Variants in NRXN3 observed in about 807,000 individuals in gnomAD.
NRXN3 encodes the protein neurexin III.
NRXN3 carries 32 observed loss-of-function variants against 137.6 expected under a neutral mutation model. The observed-to-expected ratio is 0.23, with a 90% confidence interval of 0.18 to 0.31. The LOEUF is 0.31. NRXN3 is among the 10% of genes least tolerant of loss of function. NRXN3 has a pLI of 1.00. For missense variants in NRXN3, 1,574 were observed against 2,062.5 expected, an observed-to-expected ratio of 0.76 and a Z score of 4.59; for synonymous variants, 798 against 784.5, an observed-to-expected ratio of 1.02 and a Z score of -0.29.
At position 78,651,560 on chromosome 14, in the gene NRXN3, T is replaced by C. The variant is rs150974544; in HGVS notation, c.1221+234T>C. Among the ~76,000 whole-genome samples the C allele has an allele frequency of 2.4e-4, 37 of 152,288 alleles. 1 individual carries two copies. In the East Asian group the frequency reaches 7.1e-3, roughly 29 times the overall value. ...TATTAGTCTGTTTGCATGCTGCTGA[T>C]AAAGACATACCCAAGACTGGGTAAT... is the stretch of plus-strand genomic sequence containing the variant. On this transcript the variant is annotated intron_variant, in intron 6 of 20. Coordinates refer to ENST00000335750, the MANE Select transcript of NRXN3 (RefSeq NM_001330195.2).
intron 19 of NRXN3, among the ~76,000 whole-genome samples, chr14:79,775,062 A>G (rs777234146): frequency 1.1e-4 from 17 of 152,130 alleles, no homozygotes; most frequent in Non-Finnish European, 1.6e-4. Context: ...TGGACTTACT[A>G]GTAAAGAAGA....
intron 1 of NRXN3, among the ~76,000 whole-genome samples, chr14:78,229,299 G>A (rs1011096013): frequency 3.3e-5 from 5 of 150,384 alleles, no homozygotes; most frequent in African/African-American, 1.2e-4. Context: ...TTCAATCAGA[G>A]TCTTGTGGCT....
intron 1 of NRXN3, among the ~76,000 whole-genome samples, chr14:78,227,404 T>G (rs1322277003): frequency 6.6e-6 from 1 of 152,208 alleles, no homozygotes; most frequent in Non-Finnish European, 1.5e-5. Flanking sequence ...AGTTACTTTA[T>G]ACACATTAGT....
intron 15 of NRXN3, among the ~76,000 whole-genome samples, chr14:79,267,360 A>ATT (rs398043882): frequency 0.023 from 3,263 of 143,008 alleles, 140 homozygotes; most frequent in African/African-American, 0.078. Flanking sequence ...AGATCATTTA[A>ATT]TTTTTTTTTT....
At chr14:79,087,939 C>A (rs2048428329) in intron 15 of NRXN3, among the ~76,000 whole-genome samples, 1 of 150,958 alleles carries the variant, frequency 6.6e-6, no homozygotes, top group South Asian at 2.1e-4. Flanking sequence ...TGGGAAATAA[C>A]AACTAGTTGT....
intron 4 of NRXN3, among the ~76,000 whole-genome samples, chr14:78,509,796 C>G (rs2096067694): frequency 6.6e-6 from 1 of 152,046 alleles, no homozygotes; most frequent in Admixed American, 6.6e-5. Context: ...ACTCTTCTAC[C>G]TGCTTGAACC....
At chr14:79,419,643 AAGAG>A (rs1268785788) in intron 15 of NRXN3, among the ~76,000 whole-genome samples, 2 of 151,908 alleles carry the variant, frequency 1.3e-5, no homozygotes, top group African/African-American at 2.4e-5. Flanking sequence ...AGAAGGATGA[AAGAG>A]AGAGAGAAAG....
chr14:79,774,080 G>A (rs529226503), intron 19 of NRXN3, among the ~76,000 whole-genome samples: 1 of 152,232 alleles, frequency 6.6e-6, no homozygotes, highest in Non-Finnish European at 1.5e-5. Context: ...CTAGAGGATT[G>A]GGGAAAGAGA....
chr14:79,580,354 T>C (rs1346668804), intron 16 of NRXN3, among the ~76,000 whole-genome samples: 2 of 152,198 alleles, frequency 1.3e-5, no homozygotes, highest in African/African-American at 4.8e-5. Flanking sequence ...TGACATTGTT[T>C]AGAATTGTGA....
intron 15 of NRXN3, among the ~76,000 whole-genome samples, chr14:79,082,419 G>GTGTGTGTGTGTT (rs1303385863): frequency 4.6e-5 from 7 of 151,728 alleles, no homozygotes; most frequent in African/African-American, 1.5e-4. Context: ...GTGTGTGTGT[G>GTGTGTGTGTGTT]TAGACACAGC....
intron 16 of NRXN3, among the ~76,000 whole-genome samples, chr14:79,603,616 T>G (rs1033104203): frequency 3.3e-5 from 5 of 152,192 alleles, no homozygotes; most frequent in African/African-American, 1.2e-4. Flanking sequence ...TTTTCATATT[T>G]TTTTCCTTTT....
chr14:79,800,970 G>C (rs1024958226), intron 19 of NRXN3, among the ~76,000 whole-genome samples: 1 of 152,178 alleles, frequency 6.6e-6, no homozygotes, highest in African/African-American at 2.4e-5. Context: ...CTAATTCTAA[G>C]CCTTTTTGCA....
chr14:79,542,016 G>A (rs1395342378), intron 16 of NRXN3, among the ~76,000 whole-genome samples: 6 of 152,228 alleles, frequency 3.9e-5, no homozygotes, highest in Admixed American at 2.0e-4. Context: ...TGAGGATAAA[G>A]TTGTAAATGA....
chr14:79,699,074 G>A (rs2098745274), intron 19 of NRXN3, among the ~76,000 whole-genome samples: 1 of 151,940 alleles, frequency 6.6e-6, no homozygotes, highest in African/African-American at 2.4e-5. Context: ...AGTTATATAT[G>A]CTGACAGTGT....
intron 10 of NRXN3, among the ~76,000 whole-genome samples, chr14:78,895,177 T>C (rs1297476003): frequency 6.6e-6 from 1 of 151,878 alleles, no homozygotes; most frequent in Non-Finnish European, 1.5e-5. Context: ...AGGTCCTAGG[T>C]GGCATCTTTT....
At chr14:79,152,687 A>C (rs1420185875) in intron 15 of NRXN3, among the ~76,000 whole-genome samples, 1 of 151,992 alleles carries the variant, frequency 6.6e-6, no homozygotes, top group Non-Finnish European at 1.5e-5. Flanking sequence ...CTTATTCACT[A>C]TCATGAGATT....
chr14:78,247,211 C>G (rs565696075), intron 2 of NRXN3, among the ~76,000 whole-genome samples: 1 of 152,216 alleles, frequency 6.6e-6, no homozygotes, highest in Admixed American at 6.5e-5. Context: ...TCATGCTGCA[C>G]CCCAGGAAGA....
intron 4 of NRXN3, among the ~76,000 whole-genome samples, chr14:78,383,639 C>T (rs1252654256): frequency 6.6e-6 from 1 of 152,138 alleles, no homozygotes; most frequent in Non-Finnish European, 1.5e-5. Context: ...GCATAAGATA[C>T]ATGAACTTAA....
chr14:79,412,917 G>A (rs1203571681), intron 15 of NRXN3, among the ~76,000 whole-genome samples: 1 of 151,808 alleles, frequency 6.6e-6, no homozygotes, highest in Non-Finnish European at 1.5e-5. Flanking sequence ...AAGGCCTCCA[G>A]TTGAAGTTGT....
Sources: allele counts gnomAD v4.1 joint callset (sites outside exome capture counted in the v4.1 genomes callset), GRCh38; gene constraint gnomAD v4.1.1; transcripts MANE v1.5; gene names NCBI Gene and HGNC (gene_info 2026-07-23, HGNC 2026-07-21).